MTCL1: variants seen among roughly 807,000 people sequenced by gnomAD.
The protein encoded by MTCL1 is microtubule cross-linking factor 1.
MTCL1 carries 79 observed loss-of-function variants against 141.4 expected under a neutral mutation model. That is an observed-to-expected ratio of 0.56 (90% CI 0.47 to 0.67). The LOEUF is 0.67. Among genes scored for constraint, MTCL1 ranks in the 30% least tolerant of loss-of-function variants. The pLI is 0.00. For synonymous variants in MTCL1, 914 were observed against 875.8 expected, an observed-to-expected ratio of 1.04 and a Z score of -0.77; for missense variants, 2,177 against 2,113.9, an observed-to-expected ratio of 1.03 and a Z score of -0.59.
At chr18:8,714,478 A>G (rs1234700448), upstream of MTCL1, among the ~76,000 whole-genome samples, 1 of 152,210 alleles carries the variant, frequency 6.6e-6, no homozygotes, top group African/African-American at 2.4e-5. Context: ...TATAAAGAAA[A>G]AAGGGTTTAA....
intron 5 of MTCL1, among the ~76,000 whole-genome samples, chr18:8,778,669 C>G (rs1326914514): frequency 6.6e-6 from 1 of 152,202 alleles, no homozygotes; most frequent in African/African-American, 2.4e-5. Flanking sequence ...GGGGGGCAGG[C>G]CCCTGCAGCA....
At chr18:8,718,049 G>T (rs559374049) in intron 2 of MTCL1, 1 of 886,638 alleles carries the variant, frequency 1.1e-6, no homozygotes, top group African/African-American at 1.7e-5. Context: ...ATTCATCTTA[G>T]TACCTAGATT....
At chr18:8,787,898 G>A (rs1037711319) in intron 7 of MTCL1, among the ~76,000 whole-genome samples, 4 of 152,308 alleles carry the variant, frequency 2.6e-5, no homozygotes, top group Admixed American at 6.5e-5. Flanking sequence ...ATCTGTCGCA[G>A]AGCCTGGGTC....
At chr18:8,783,393 T>A (rs1274637393) in intron 5 of MTCL1, 137 bp from the exon 5 acceptor site, 2 of 842,134 alleles carry the variant, frequency 2.4e-6, no homozygotes, top group Non-Finnish European at 3.6e-6. Flanking sequence ...TTTCTCTATG[T>A]AACTCAGCGG....
At chr18:8,706,794 CCCGGGCCTGT>C in intron 1 of MTCL1, 81 bp downstream of exon 1, 1 of 1,520,576 alleles carries the variant, frequency 6.6e-7, no homozygotes, top group East Asian at 2.5e-5. Context: ...ACCCCTCCTT[CCCGGGCCTGT>C]CCAGCGCCTT....
intron 1 of MTCL1, among the ~76,000 whole-genome samples, chr18:8,709,612 G>A (rs898083239): frequency 6.6e-6 from 1 of 152,174 alleles, no homozygotes; most frequent in African/African-American, 2.4e-5. Context: ...CAATGTATCT[G>A]ATAAGAGGCT....
chr18:8,781,261 A>G (rs1176380107), intron 5 of MTCL1, among the ~76,000 whole-genome samples: 2 of 151,934 alleles, frequency 1.3e-5, no homozygotes, highest in African/African-American at 4.8e-5. Flanking sequence ...TATTAAACAC[A>G]ACGTATGCCT....
intron 4 of MTCL1, among the ~76,000 whole-genome samples, chr18:8,746,652 T>G (rs1292700432): frequency 6.6e-6 from 1 of 152,142 alleles, no homozygotes; most frequent in Non-Finnish European, 1.5e-5. Flanking sequence ...CACTGTGGTG[T>G]TTGCAAACCC....
intron 4 of MTCL1, among the ~76,000 whole-genome samples, chr18:8,724,050 T>C (rs1204839336): frequency 6.6e-6 from 1 of 151,870 alleles, no homozygotes; most frequent in Non-Finnish European, 1.5e-5. Flanking sequence ...GTGATGAAAA[T>C]GTTTTAGAGC....
intron 4 of MTCL1, among the ~76,000 whole-genome samples, chr18:8,737,433 T>C (rs779623152): frequency 6.6e-6 from 1 of 152,252 alleles, no homozygotes; most frequent in Non-Finnish European, 1.5e-5. Context: ...CAGCTTCTTA[T>C]ATCTTTAACA....
At chr18:8,796,067 G>GA (rs1158755619) in intron 8 of MTCL1, among the ~76,000 whole-genome samples, 165 bp from the exon 8 acceptor site, 2 of 152,180 alleles carry the variant, frequency 1.3e-5, no homozygotes, top group African/African-American at 4.8e-5. Flanking sequence ...TTGTAAACAG[G>GA]AAACTGAAGC....
At position 8,826,156 on chromosome 18, in the gene MTCL1, A is replaced by G. The variant is rs776885101; in HGVS notation, c.4646A>G (p.Gln1549Arg). 6.8e-6 allele frequency: 11 copies of G among 1,613,124 alleles called. 2 individuals carry two copies. In the Middle Eastern group the frequency reaches 4.9e-4, roughly 72 times the overall value. Residue 1549 changes from glutamine to arginine, a missense_variant, in exon 15 of 17, where the codon CAG (glutamine) becomes CGG (arginine). Physicochemically the swap from Gln to Arg is conservative, Grantham distance 43. Coordinates refer to ENST00000359865, the Ensembl canonical transcript of MTCL1. ...CATGCCTTAAAGGAGGAGAGGAGGC[A>G]GGCTGCCCACGGGCCCCCGGGTCTC...
rs896677031 is a variant in MTCL1 at position 8,810,897 on chromosome 18, C to G, written c.2605-2082C>G. Among the ~76,000 whole-genome samples, 2 of 135,480 alleles carry G rather than the reference C, an allele frequency of 1.5e-5. No individual in the cohort carries two copies. Among genetic ancestry groups the G allele is most frequent in the Non-Finnish European group, 3.5e-5 (2 of 57,342 alleles). The allele number at this position is 135,480 out of a possible 152,430, so 88.9% of individuals were successfully genotyped here. A position where few individuals can be genotyped will look rare whatever the true frequency, so the allele number is the denominator to read the frequency against. On this transcript the variant is annotated intron_variant, in intron 11 of 16. Coordinates refer to ENST00000359865, the Ensembl canonical transcript of MTCL1. This position sits in a 1 kb window ranked among gnomAD's most constrained non-coding sequence, Gnocchi z 5.0. ...CTTTCTCTCCAAGCAGGCCTGAGTT[C>G]CACTAAGATTCAGGGACAAAACAGT...
chr18:8,807,093 C>A, intron 11 of MTCL1, 33 bp downstream of exon 10: 1 of 1,591,254 alleles, frequency 6.3e-7, no homozygotes, highest in Non-Finnish European at 8.6e-7. Context: ...TCGATCCTGA[C>A]TGTGTGTCTC....
chr18:8,706,619 G>T (rs2096059265), exon 1 of MTCL1: 3 of 1,540,608 alleles, frequency 1.9e-6, no homozygotes, highest in Non-Finnish European at 1.7e-6. Context: ...AAGGAGCCCA[G>T]CCTGGGCGAG....
intron 14 of MTCL1, among the ~76,000 whole-genome samples, chr18:8,821,950 G>T (rs1029793275): frequency 1.3e-4 from 20 of 152,202 alleles, no homozygotes; most frequent in Non-Finnish European, 2.8e-4. Flanking sequence ...GGTTGATGTG[G>T]TTGTTAGTTA....
At chr18:8,805,648 T>C (rs2076275018) in intron 10 of MTCL1, among the ~76,000 whole-genome samples, 1 of 150,952 alleles carries the variant, frequency 6.6e-6, no homozygotes, top group African/African-American at 2.4e-5. Flanking sequence ...GGAGGAGAGG[T>C]TTATCAAGTT....
intron 7 of MTCL1, chr18:8,789,553 A>C (rs762858970): frequency 1.2e-5 from 12 of 985,330 alleles, no homozygotes; most frequent in Non-Finnish European, 1.4e-5. Flanking sequence ...ATGCAGCTCT[A>C]TTGGGGAAGA....
chr18:8,821,660 G>A (rs140543264), intron 14 of MTCL1, among the ~76,000 whole-genome samples, 162 bp downstream of exon 13: 10 of 152,188 alleles, frequency 6.6e-5, no homozygotes, highest in African/African-American at 1.9e-4. Context: ...TCATAAACAT[G>A]GTATTTTTGA....
Sources: allele counts gnomAD v4.1 joint callset (sites outside exome capture counted in the v4.1 genomes callset), GRCh38; gene constraint gnomAD v4.1.1; non-coding constraint Gnocchi (gnomAD v3.1); transcripts MANE v1.5; gene names NCBI Gene and HGNC (gene_info 2026-07-23, HGNC 2026-07-21).